MTMR10: variants seen among roughly 807,000 people sequenced by gnomAD.
The protein encoded by MTMR10 is myotubularin related protein 10.
In MTMR10, 56 loss-of-function variants were observed where a neutral mutation model predicts 88.1. The ratio of observed to expected loss-of-function variants is 0.64; its 90% CI spans 0.51 to 0.79. The LOEUF is 0.79. Ranked by LOEUF, MTMR10 falls within the 30% of genes least tolerant of loss-of-function variation. MTMR10 has a pLI of 0.00. For missense variants in MTMR10, 883 were observed against 924.7 expected (o/e 0.95, Z 0.58); for synonymous variants, 380 against 340.9 (o/e 1.11, Z -1.26).
Position 30,939,213 on chromosome 15 carries a change from G to A in MTMR10, c.*2257C>T, listed in dbSNP as rs2062955839. On this transcript the variant is annotated 3_prime_UTR_variant, in exon 16 of 16. Coordinates refer to ENST00000435680, the MANE Select transcript of MTMR10 (RefSeq NM_017762.3). ...TAAATAAAGTTAGTTAGCTATTTTT[G>A]GTTTCAAAATCAGTTTCCATCATAA... is the stretch of plus-strand genomic sequence containing the variant. 2 of 985,244 alleles carry A rather than the reference G, an allele frequency of 2.0e-6. No homozygotes were observed. Among genetic ancestry groups the A allele is most frequent in the South Asian group, 9.4e-5 (2 of 21,276 alleles). 61.0% of individuals were successfully genotyped at this position (985,244 alleles called of 1,614,324 possible).
At chr15:30,927,247 C>T in the MTMR10 span, 4 of 985,502 alleles carry the variant, frequency 4.1e-6, no homozygotes, top group Non-Finnish European at 4.8e-6. Flanking sequence ...ATGATCTGGC[C>T]TTTATATTCC....
chr15:30,941,158 T>A lies in MTMR10; in HGVS notation c.*312A>T. On this transcript the variant is annotated 3_prime_UTR_variant, in exon 16 of 16. Coordinates refer to ENST00000435680, the MANE Select transcript of MTMR10 (RefSeq NM_017762.3). ...GCCTGGGGCTGCTAATGTGACTGAC[T>A]ATCAGATAGCCTTCAGGAGGTGGTA... is the stretch of plus-strand genomic sequence containing the variant. The A allele has an allele frequency of 8.2e-7, 1 of 1,219,926 alleles. No homozygotes were observed. The highest frequency in any genetic ancestry group is 1.1e-6 in the Non-Finnish European group (1 of 922,592). The allele number at this position is 1,219,926 out of a possible 1,614,324, so 75.6% of individuals were successfully genotyped here. A position where few individuals can be genotyped will look rare whatever the true frequency, so the allele number is the denominator to read the frequency against.
At chr15:30,961,303 G>A (rs890847267) in intron 6 of MTMR10, among the ~76,000 whole-genome samples, 5 of 151,448 alleles carry the variant, frequency 3.3e-5, no homozygotes, top group South Asian at 2.1e-4. Context: ...GCATGATCTC[G>A]GCTGACTGCA....
chr15:30,969,276 T>G (rs754798095), intron 5 of MTMR10, among the ~76,000 whole-genome samples: 32 of 151,870 alleles, frequency 2.1e-4, no homozygotes, highest in East Asian at 9.6e-4. Flanking sequence ...AAAAAAAAAC[T>G]GCTTCTTGAA....
chr15:30,973,832 AGT>A (rs1469061099), intron 5 of MTMR10, among the ~76,000 whole-genome samples: 14 of 152,182 alleles, frequency 9.2e-5, no homozygotes, highest in Admixed American at 9.2e-4. Context: ...GCCCCTGTTG[AGT>A]GTCACTCAAT....
downstream of MTMR10, among the ~76,000 whole-genome samples, chr15:30,937,606 C>G (rs1444754217): frequency 6.6e-6 from 1 of 151,722 alleles, no homozygotes; most frequent in African/African-American, 2.4e-5. Flanking sequence ...TGTGCGCCAC[C>G]ACGCCTGGCT....
At chr15:30,972,503 G>A (rs926553564) in intron 5 of MTMR10, among the ~76,000 whole-genome samples, 1 of 152,062 alleles carries the variant, frequency 6.6e-6, no homozygotes, top group Non-Finnish European at 1.5e-5. Context: ...GGCATATGAG[G>A]GACTGGCTTG....
At chr15:30,987,108 G>C (rs990724569) in intron 2 of MTMR10, among the ~76,000 whole-genome samples, 1 of 152,222 alleles carries the variant, frequency 6.6e-6, no homozygotes, top group Non-Finnish European at 1.5e-5. Flanking sequence ...CTACACAAAA[G>C]CTGACTACTT....
chr15:30,977,115 T>G (rs1377008020), intron 2 of MTMR10, among the ~76,000 whole-genome samples, 160 bp from the exon 3 acceptor site: 1 of 152,156 alleles, frequency 6.6e-6, no homozygotes, highest in East Asian at 1.9e-4. Context: ...ATAAAGTGAA[T>G]AGTAATGACA....
At chr15:30,965,231 T>C (rs1321532418) in intron 6 of MTMR10, among the ~76,000 whole-genome samples, 1 of 152,236 alleles carries the variant, frequency 6.6e-6, no homozygotes, top group Non-Finnish European at 1.5e-5. Context: ...TCAAATGGAT[T>C]GTGTACCTTG....
intron 10 of MTMR10, among the ~76,000 whole-genome samples, chr15:30,954,191 C>G (rs1177018274): frequency 1.3e-5 from 2 of 152,312 alleles, no homozygotes; most frequent in South Asian, 2.1e-4. Flanking sequence ...GGCCCTCCCC[C>G]AGGGAAGTGC....
Position 30,939,972 on chromosome 15 carries a change from A to G in MTMR10, c.*1498T>C, listed in dbSNP as rs1810122280. 1 of 981,812 alleles carries G rather than the reference A, an allele frequency of 1.0e-6. No homozygotes were observed. Among genetic ancestry groups the G allele is most frequent in the South Asian group, 4.7e-5 (1 of 21,226 alleles). 60.8% of individuals were successfully genotyped at this position (981,812 alleles called of 1,614,324 possible). On this transcript the variant is annotated 3_prime_UTR_variant, in exon 16 of 16. Transcript: ENST00000435680. ...CTCCTGTCCTGTTATATCCAGAGAC[A>G]TTATCAAATTTTAAAAGGCAAATAA...
chr15:30,924,992 TC>T, the MTMR10 span: 1 of 860,878 alleles, frequency 1.2e-6, no homozygotes, highest in Non-Finnish European at 1.8e-6. Context: ...AGCCTAAATC[TC>T]TAGAAGTGCT....
At chr15:30,959,877 CA>C (rs1425218827) in intron 7 of MTMR10, among the ~76,000 whole-genome samples, 1 of 152,120 alleles carries the variant, frequency 6.6e-6, no homozygotes, top group Non-Finnish European at 1.5e-5. Flanking sequence ...TAAAATAAGG[CA>C]TTCCAAAAAA....
At chr15:30,947,905 G>T (rs1473576452) in intron 13 of MTMR10, among the ~76,000 whole-genome samples, 8 of 152,196 alleles carry the variant, frequency 5.3e-5, no homozygotes, top group African/African-American at 1.9e-4. Context: ...ATCCGAGGCA[G>T]CCACTAACTC....
At chr15:30,963,658 T>C (rs941666623) in intron 6 of MTMR10, among the ~76,000 whole-genome samples, 6 of 150,704 alleles carry the variant, frequency 4.0e-5, no homozygotes, top group African/African-American at 7.3e-5. Context: ...GACAGATAGA[T>C]AGATAGACAG....
intron 14 of MTMR10, 137 bp from the exon 15 acceptor site, chr15:30,943,209 A>C: frequency 7.1e-7 from 1 of 1,406,534 alleles, no homozygotes; most frequent in Non-Finnish European, 9.2e-7. Context: ...TGGCACTTTC[A>C]CTTCAAGAGA....
At position 30,940,693 on chromosome 15, in the gene MTMR10, C is replaced by T. The variant is rs968032990; in HGVS notation, c.*777G>A. 3 of 988,062 alleles carry T rather than the reference C, an allele frequency of 3.0e-6. No homozygotes were observed. The highest frequency in any genetic ancestry group is 2.2e-4 in the East Asian group (2 of 8,898). The allele number at this position is 988,062 out of a possible 1,614,324, so 61.2% of individuals were successfully genotyped here. On this transcript the variant is annotated 3_prime_UTR_variant, in exon 16 of 16. Coordinates refer to ENST00000435680, the MANE Select transcript of MTMR10 (RefSeq NM_017762.3). ...CAGTGGCTTTCAGAGGAACAAGACT[C>T]TGGGGACTCCTGGCTATGAAGCTTA...
chr15:30,974,338 T>A lies in MTMR10; in HGVS notation c.450A>T (p.Glu150Asp). Residue 150 changes from glutamate to aspartate, a missense_variant, in exon 5 of 16, where the codon GAA (glutamate) becomes GAT (aspartate). Physicochemically the swap from Glu to Asp is conservative, Grantham distance 45. Around this residue, in one of 3 missense-constraint regions of MTMR10, gnomAD observed 414 missense variants for 423.2 expected, o/e 0.98. Coordinates refer to ENST00000435680, the MANE Select transcript of MTMR10 (RefSeq NM_017762.3). ...DFRIVRFRFD[E>D]SGPESAKKVC... is the part of the protein sequence containing the mutation. ...CCTTTTTAGCACTTTCGGGACCTGA[T>A]TCATCAAAGCGAAATCTGACAATTC... The A allele has an allele frequency of 6.2e-7, 1 of 1,603,760 alleles. No homozygotes were observed. The highest frequency in any genetic ancestry group is 1.1e-5 in the South Asian group (1 of 89,522).
Sources: gnomAD v4.1 joint callset for allele counts (sites outside exome capture counted in the v4.1 genomes callset) on GRCh38, gnomAD v4.1.1 for gene constraint, gnomAD v4.1.1 regional missense constraint, MANE v1.5 for transcripts, NCBI Gene and HGNC (gene_info 2026-07-23, HGNC 2026-07-21) for gene names.